Variants in VPS8 observed in about 807,000 individuals in gnomAD.
The protein encoded by VPS8 is vacuolar protein sorting-associated protein 8 homolog.
In VPS8, 129 loss-of-function variants were observed where a neutral mutation model predicts 216.4. The observed-to-expected ratio is 0.60, with a 90% CI of 0.52 to 0.69. The LOEUF is 0.69. VPS8 is among the 30% of genes least tolerant of loss of function. The probability of loss-of-function intolerance (pLI) is 0.00; values close to 1 mark genes in which losing one functional copy is unlikely to be tolerated. For synonymous variants in VPS8, 571 were observed against 565.4 expected, an observed-to-expected ratio of 1.01 and a Z score of -0.14; for missense variants, 1,531 against 1,683.5, an observed-to-expected ratio of 0.91 and a Z score of 1.59.
intron 46 of VPS8, among the ~76,000 whole-genome samples, chr3:185,031,063 GTTTTTTTTTT>G (rs765510619): frequency 5.6e-4 from 36 of 64,358 alleles, no homozygotes; most frequent in East Asian, 9.6e-4. Context: ...ACAGGTTGGC[GTTTTTTTTTT>G]TTTTTTTTTT....
rs773689221 is a variant in VPS8 at position 184,926,631 on chromosome 3, G to A, written c.2612G>A (p.Arg871Gln). 1.2e-5 allele frequency: 19 copies of A among 1,605,578 alleles called. 1 individual carries two copies. The highest frequency in any genetic ancestry group is 1.6e-4 in the Middle Eastern group (1 of 6,072). The change falls in exon 31 of 48, where the codon CGA becomes CAA. Residue 871 changes from arginine to glutamine, a missense_variant. Around this residue, in one of 3 missense-constraint regions of VPS8, gnomAD observed 1,318 missense variants for 1,468.4 expected, o/e 0.90. Coordinates refer to ENST00000625842, the MANE Select transcript of VPS8 (RefSeq NM_001009921.3). ...EFLCSPDDDS[R>Q]HSERQQVLLE... is the part of the protein sequence containing the mutation. ...CTTTGTAGTCCTGACGATGACTCCCGACACTCTGAAAGACAGCAGGTATGA... is the reference window on the plus strand; with the variant it reads ...CTTTGTAGTCCTGACGATGACTCCCAACACTCTGAAAGACAGCAGGTATGA...
chr3:184,821,498 C>CA (rs1453989072), intron 1 of VPS8, among the ~76,000 whole-genome samples: 4 of 152,054 alleles, frequency 2.6e-5, no homozygotes, highest in Non-Finnish European at 5.9e-5. Context: ...CACACGCCAC[C>CA]ACGCTTGGCT....
At chr3:184,989,620 T>G (rs1318613487) in intron 42 of VPS8, among the ~76,000 whole-genome samples, 1 of 152,136 alleles carries the variant, frequency 6.6e-6, no homozygotes, top group Non-Finnish European at 1.5e-5. Flanking sequence ...TAAATCCCAC[T>G]TGGTTGTTAT....
In VPS8 at chr3:184,843,128, A is replaced by G; in HGVS notation, c.536-112A>G. The G allele has an allele frequency of 4.3e-6, 3 of 698,920 alleles. No individual in the cohort carries two copies. The East Asian group carries it at 9.0e-5, about 21-fold the overall frequency. The allele number at this position is 698,920 out of a possible 1,614,324, so 43.3% of individuals were successfully genotyped here. On this transcript the variant is annotated intron_variant, in intron 7 of 47. Transcript: ENST00000625842. Reference sequence around the variant, plus strand: ...TTTAGTATCATTCCCACAGATAACTAAAGCTTGTCACTTATATTCTTGAAA... The same window carrying G: ...TTTAGTATCATTCCCACAGATAACTGAAGCTTGTCACTTATATTCTTGAAA...
At chr3:184,973,503 G>A (rs377574809) in intron 40 of VPS8, among the ~76,000 whole-genome samples, 2 of 152,038 alleles carry the variant, frequency 1.3e-5, no homozygotes, top group East Asian at 1.9e-4. Flanking sequence ...TGATCAAATC[G>A]GTTACTTAGG....
chr3:185,047,090 CCTT>C (rs1008483766), intron 46 of VPS8, among the ~76,000 whole-genome samples: 6 of 152,230 alleles, frequency 3.9e-5, no homozygotes, highest in African/African-American at 1.4e-4. Context: ...CCCCCAACCT[CCTT>C]CATTACCCAG....
intron 35 of VPS8, among the ~76,000 whole-genome samples, chr3:184,938,064 G>A (rs1741955429): frequency 1.3e-5 from 2 of 152,172 alleles, no homozygotes; most frequent in Non-Finnish European, 2.9e-5. Flanking sequence ...AGAGCAAATG[G>A]AGGAGAGAGA....
At chr3:184,824,888 A>G (rs1459074253) in intron 2 of VPS8, 103 bp downstream of exon 2, 1 of 1,123,526 alleles carries the variant, frequency 8.9e-7, no homozygotes, top group South Asian at 1.5e-5. Flanking sequence ...GCATGGGTTA[A>G]TAGGAGTCTG....
intron 25 of VPS8, among the ~76,000 whole-genome samples, chr3:184,912,575 C>T (rs931489730): frequency 7.9e-5 from 12 of 151,844 alleles, no homozygotes; most frequent in Non-Finnish European, 1.2e-4. Context: ...TTCTTTCACT[C>T]GTGTTTATCT....
intron 22 of VPS8, among the ~76,000 whole-genome samples, chr3:184,887,592 C>G (rs1253187468): frequency 6.6e-6 from 1 of 152,198 alleles, no homozygotes; most frequent in Non-Finnish European, 1.5e-5. Flanking sequence ...CTCAGTCCCA[C>G]AGCTTTTGGT....
At position 184,898,632 on chromosome 3, in the gene VPS8, A is replaced by G. The variant is rs1733941962; in HGVS notation, c.2072A>G (p.Asn691Ser). 3.2e-6 allele frequency: 5 copies of G among 1,553,466 alleles called. No individual in the cohort carries two copies. The highest frequency in any genetic ancestry group is 4.4e-6 in the Non-Finnish European group (5 of 1,147,692). The change falls in exon 24 of 48, where the codon AAT (asparagine) becomes AGT (serine). Residue 691 changes from asparagine (N) to serine (S), a missense_variant. By Grantham distance (46) the Asn-to-Ser change is conservative. This residue lies in a region of VPS8 where 1,318 missense variants were observed against 1,468.4 expected (regional missense o/e 0.90). Coordinates refer to ENST00000625842, the MANE Select transcript of VPS8 (RefSeq NM_001009921.3). ...AMIYVYNRGM[N>S]EFISPMEKLF... ...ATCTATGTCTACAACAGAGGCATGA[A>G]TGAATTTATTAGTCCAATGGAGGTA...
chr3:184,984,568 C>T (rs973583963), intron 42 of VPS8, among the ~76,000 whole-genome samples: 4 of 152,110 alleles, frequency 2.6e-5, no homozygotes, highest in Admixed American at 1.3e-4. Context: ...GCTCGGATTA[C>T]AGGCATGAGC....
chr3:185,000,090 C>T (rs368380650), intron 45 of VPS8, among the ~76,000 whole-genome samples: 2 of 152,194 alleles, frequency 1.3e-5, no homozygotes, highest in Admixed American at 6.5e-5. Context: ...TGCCTTTAAA[C>T]GGCTTAAGAT....
At chr3:184,995,847 A>G (rs1752544442) in intron 43 of VPS8, among the ~76,000 whole-genome samples, 1 of 152,248 alleles carries the variant, frequency 6.6e-6, no homozygotes, top group African/African-American at 2.4e-5. Context: ...AGATGAAAAT[A>G]GAGTAATGGC....
intron 5 of VPS8, among the ~76,000 whole-genome samples, chr3:184,836,878 A>G (rs111720636): frequency 2.6e-5 from 4 of 152,166 alleles, no homozygotes; most frequent in Non-Finnish European, 5.9e-5. Flanking sequence ...TTAATTTGGG[A>G]TCCTTTTCAA....
At chr3:184,848,942 A>T (rs1223161580) in intron 8 of VPS8, 129 bp from the exon 9 acceptor site, 5 of 968,238 alleles carry the variant, frequency 5.2e-6, no homozygotes, top group Non-Finnish European at 7.7e-6. Context: ...ATATTTAAAA[A>T]TGAATGTGAC....
At chr3:184,869,431 T>TA in intron 19 of VPS8, 51 bp from the exon 20 acceptor site, 23 of 1,582,400 alleles carry the variant, frequency 1.5e-5, no homozygotes, top group Non-Finnish European at 1.9e-5. Context: ...GTTTCACTCC[T>TA]AAAGATGTGG....
rs746794181 is a variant in VPS8 at position 184,885,862 on chromosome 3, A to G, written c.1735-248A>G. 6.5e-5 allele frequency: 23 copies of G among 353,586 alleles called. 1 individual carries two copies. Among genetic ancestry groups the G allele is most frequent in the Non-Finnish European group, 1.2e-4 (23 of 194,880 alleles). 21.9% of individuals were successfully genotyped at this position (353,586 alleles called of 1,614,324 possible). A position where few individuals can be genotyped will look rare whatever the true frequency, so the allele number is the denominator to read the frequency against. On this transcript the variant is annotated intron_variant, in intron 21 of 47. Transcript: ENST00000625842. ...TCCCTCTGTTAGAAAGATGCAGTGAACACCTTAATGCATTAAAATAATTTT... is the reference window on the plus strand; with the variant it reads ...TCCCTCTGTTAGAAAGATGCAGTGAGCACCTTAATGCATTAAAATAATTTT...
intron 36 of VPS8, among the ~76,000 whole-genome samples, chr3:184,951,306 T>C (rs6772514): frequency 0.22 from 33,458 of 151,878 alleles, 5,367 homozygotes; most frequent in African/African-American, 0.46. Context: ...GGCAACATGG[T>C]GAGACCCCAT....
Sources: gnomAD v4.1 joint callset for allele counts (sites outside exome capture counted in the v4.1 genomes callset) on GRCh38, gnomAD v4.1.1 for gene constraint, gnomAD v4.1.1 regional missense constraint, MANE v1.5 for transcripts, NCBI Gene and HGNC (gene_info 2026-07-23, HGNC 2026-07-21) for gene names.